METTL2A: variants seen among roughly 807,000 people sequenced by gnomAD.
The protein encoded by METTL2A is methyltransferase 2A, tRNA N3-cytidine, also known as tRNA N(3)-cytidine methyltransferase METTL2A.
Under a neutral mutation model 49.4 loss-of-function variants are expected in METTL2A, and 45 were observed. The ratio of observed to expected loss-of-function variants is 0.91; its 90% CI spans 0.72 to 1.17. The LOEUF (loss-of-function observed/expected upper bound fraction) is 1.17, where lower values mean the gene tolerates loss of function less well. Ranked by LOEUF, METTL2A falls within the 50% of genes most tolerant of loss-of-function variation. The pLI is 0.00. For synonymous variants in METTL2A, 118 were observed against 167.5 expected (o/e 0.70, Z 2.28); for missense variants, 361 against 462.2 (o/e 0.78, Z 2.01).
rs577744683 is a variant in METTL2A, at chr17:62,429,743, T to C, written c.608+1906T>C. Among the ~76,000 whole-genome samples the C allele has an allele frequency of 2.0e-5, 3 of 152,292 alleles. No homozygotes were observed. The South Asian group carries it at 6.2e-4, about 32-fold the overall frequency. ...TGGAGTGCAGTGGCGTAATCTTGGC[T>C]CACTGCAACCTCTGCCTCCTGGGTT... On this transcript the variant is annotated intron_variant, in intron 4 of 8. Coordinates refer to ENST00000311506, the MANE Select transcript of METTL2A (RefSeq NM_181725.4).
In METTL2A at chr17:62,448,295, A is replaced by G. The variant is rs535728803; in HGVS notation, c.983-280A>G. Among the ~76,000 whole-genome samples, 5 of 152,264 alleles carry G rather than the reference A, an allele frequency of 3.3e-5. No homozygotes were observed. In the South Asian group the frequency reaches 1.0e-3, roughly 32 times the overall value. On this transcript the variant is annotated intron_variant, in intron 8 of 8. Transcript: ENST00000311506. ...TCCTAAAACAATTGCTTTGACATAC[A>G]TAGATATTTTTGCATAAATTTTAAG...
intron 4 of METTL2A, among the ~76,000 whole-genome samples, chr17:62,431,519 ATTTTTGTCT>A (rs2070665310): frequency 6.6e-6 from 1 of 151,608 alleles, no homozygotes; most frequent in Non-Finnish European, 1.5e-5. Flanking sequence ...ACCCCTGCTA[ATTTTTGTCT>A]TTTTTGTAGA....
At chr17:62,438,973 A>ATTTTTTTT (rs1167283450) in intron 5 of METTL2A, among the ~76,000 whole-genome samples, 1 of 93,558 alleles carries the variant, frequency 1.1e-5, no homozygotes, top group African/African-American at 4.5e-5. Context: ...CACTTGGCTA[A>ATTTTTTTT]TTTTTTTTTT....
intron 7 of METTL2A, among the ~76,000 whole-genome samples, chr17:62,445,838 A>G (rs2070764836): frequency 6.6e-6 from 1 of 152,164 alleles, no homozygotes; most frequent in Admixed American, 6.5e-5. Context: ...ATAATTTTAA[A>G]TGTGGCATGA....
At chr17:62,429,219 A>G (rs1007115975) in intron 4 of METTL2A, among the ~76,000 whole-genome samples, 4 of 152,080 alleles carry the variant, frequency 2.6e-5, no homozygotes, top group African/African-American at 9.7e-5. Context: ...GAAAGTTCCA[A>G]TCGGTTTGCC....
intron 6 of METTL2A, among the ~76,000 whole-genome samples, chr17:62,441,627 A>G (rs1281322887): frequency 6.8e-6 from 1 of 148,054 alleles, no homozygotes. Context: ...TTGTATTTTT[A>G]GTAGATGCGG....
At chr17:62,425,490 G>A (rs2070618071) in intron 2 of METTL2A, among the ~76,000 whole-genome samples, 1 of 147,348 alleles carries the variant, frequency 6.8e-6, no homozygotes, top group African/African-American at 2.5e-5. Context: ...TGGTTCAAGC[G>A]ATTCCCCTGC....
At chr17:62,448,013 C>T (rs777827835) in intron 8 of METTL2A, among the ~76,000 whole-genome samples, 2 of 152,208 alleles carry the variant, frequency 1.3e-5, no homozygotes, top group African/African-American at 2.4e-5. Flanking sequence ...CTGTCTGCCA[C>T]TGTCCAAAAT....
chr17:62,446,609 G>A (rs1027363905), intron 7 of METTL2A, among the ~76,000 whole-genome samples: 4 of 152,196 alleles, frequency 2.6e-5, no homozygotes, highest in African/African-American at 9.6e-5. Context: ...CACTGCGCTC[G>A]GCTTACAGCC....
At position 62,449,289 on chromosome 17, in the gene METTL2A, T is replaced by G. The variant is rs1220833743; in HGVS notation, c.*560T>G. 2 of 382,324 alleles carry G rather than the reference T, an allele frequency of 5.2e-6. No individual in the cohort carries two copies. Among genetic ancestry groups the G allele is most frequent in the Admixed American group, 3.4e-5 (1 of 29,692 alleles). 23.7% of individuals were successfully genotyped at this position (382,324 alleles called of 1,614,324 possible). ...ATACATACAGAGGTTAGTGAAGGGC[T>G]TATTAAGTTGTAGGGGAAGCAAGCT... On this transcript the variant is annotated 3_prime_UTR_variant, in exon 9 of 9. Coordinates refer to ENST00000311506, the MANE Select transcript of METTL2A (RefSeq NM_181725.4).
chr17:62,448,104 C>T (rs1186641273), intron 8 of METTL2A, among the ~76,000 whole-genome samples: 9 of 152,280 alleles, frequency 5.9e-5, no homozygotes, highest in South Asian at 2.1e-4. Context: ...TTGGTGTGCC[C>T]GGGTCAGGGT....
intron 7 of METTL2A, among the ~76,000 whole-genome samples, chr17:62,447,221 C>T (rs2070774497): frequency 6.6e-6 from 1 of 152,124 alleles, no homozygotes; most frequent in Non-Finnish European, 1.5e-5. Context: ...GAGTTTGAGA[C>T]CAGCCTGGCC....
chr17:62,427,276 G>A (rs2070634502), intron 3 of METTL2A, among the ~76,000 whole-genome samples: 2 of 152,200 alleles, frequency 1.3e-5, no homozygotes, highest in African/African-American at 4.8e-5. Flanking sequence ...CAGTGAGACT[G>A]CTGCCTCTGC....
chr17:62,430,243 G>T (rs765915944), intron 4 of METTL2A, among the ~76,000 whole-genome samples: 5 of 152,130 alleles, frequency 3.3e-5, no homozygotes, highest in Admixed American at 6.6e-5. Flanking sequence ...TACAGTCTGA[G>T]GAACCCACCT....
intron 6 of METTL2A, among the ~76,000 whole-genome samples, chr17:62,441,448 TTTTA>T (rs2070737968): frequency 6.6e-6 from 1 of 152,122 alleles, no homozygotes; most frequent in Admixed American, 6.6e-5. Context: ...TTTTATTTTA[TTTTA>T]TTTTATTTTT....
At position 62,450,874 on chromosome 17, in the gene METTL2A, A is replaced by C. The variant is rs1410344335; in HGVS notation, c.*2145A>C. 6.6e-6 allele frequency: 1 copy of C among 152,182 alleles called. No homozygotes were observed. The highest frequency in any genetic ancestry group is 2.4e-5 in the African/African-American group (1 of 41,440). 9.4% of individuals were successfully genotyped at this position (152,182 alleles called of 1,614,324 possible). ...TTGTTGATGTTTTTCTAAATTTTGG[A>C]ATAATAAATTTATATAGGAATACTG... On this transcript the variant is annotated 3_prime_UTR_variant, in exon 9 of 9. Transcript: ENST00000311506.
At chr17:62,431,756 T>C (rs1442622994) in intron 4 of METTL2A, among the ~76,000 whole-genome samples, 1 of 152,008 alleles carries the variant, frequency 6.6e-6, no homozygotes, top group Non-Finnish European at 1.5e-5. Context: ...CATCTTGCCC[T>C]GTTGCCCAGG....
At chr17:62,424,833 A>T (rs1390785635) in intron 2 of METTL2A, among the ~76,000 whole-genome samples, 3 of 151,770 alleles carry the variant, frequency 2.0e-5, no homozygotes, top group Non-Finnish European at 4.4e-5. Context: ...CTGGCCAAAG[A>T]AAAGGAGGCC....
intron 4 of METTL2A, among the ~76,000 whole-genome samples, chr17:62,430,956 C>G (rs1168710287): frequency 6.6e-6 from 1 of 152,198 alleles, no homozygotes. Context: ...ACCTCCGCCT[C>G]CTGGGATCAA....
Sources: allele counts gnomAD v4.1 joint callset (sites outside exome capture counted in the v4.1 genomes callset), GRCh38; gene constraint gnomAD v4.1.1; transcripts MANE v1.5; gene names NCBI Gene and HGNC (gene_info 2026-07-23, HGNC 2026-07-21).